The following MEGF11 variants were observed in gnomAD, a reference collection of about 807,000 sequenced individuals.
MEGF11 encodes multiple epidermal growth factor-like domains protein 11.
MEGF11 carries 126 observed loss-of-function variants against 146.6 expected under a neutral mutation model. That is an observed-to-expected ratio of 0.86 (90% CI 0.74 to 1.00). The LOEUF (loss-of-function observed/expected upper bound fraction) is 1.00, where lower values mean the gene tolerates loss of function less well. MEGF11 is among the 50% of genes least tolerant of loss of function. The pLI, the probability that MEGF11 is intolerant of heterozygous loss-of-function variation, is 0.00. For synonymous variants in MEGF11, 532 were observed against 583.4 expected, an observed-to-expected ratio of 0.91 and a Z score of 1.27; for missense variants, 1,509 against 1,521.2, an observed-to-expected ratio of 0.99 and a Z score of 0.13.
chr15:65,955,721 G>T (rs2080562026), intron 10 of MEGF11, among the ~76,000 whole-genome samples: 1 of 103,476 alleles, frequency 9.7e-6, no homozygotes, highest in Admixed American at 1.2e-4. Context: ...TCCAGTCTGG[G>T]CAACAAAGTG....
intron 4 of MEGF11, among the ~76,000 whole-genome samples, chr15:66,106,888 TCCTCTTCTCATTGGTA>T (rs1381967011): frequency 6.6e-6 from 1 of 152,144 alleles, no homozygotes; most frequent in Non-Finnish European, 1.5e-5. Context: ...ATTAAAATAT[TCCTCTTCTCATTGGTA>T]AATGGTTGCT....
chr15:66,044,114 C>G (rs1297978146), intron 5 of MEGF11, among the ~76,000 whole-genome samples: 1 of 152,188 alleles, frequency 6.6e-6, no homozygotes, highest in African/African-American at 2.4e-5. Context: ...GAGAGGAAAC[C>G]TCGACCCTTG....
intron 5 of MEGF11, among the ~76,000 whole-genome samples, chr15:66,061,829 G>T (rs2084920104): frequency 6.6e-6 from 1 of 152,130 alleles, no homozygotes. Context: ...TAGAAACAGG[G>T]TCTCCCTATG....
rs1321133644 is a variant in MEGF11 at position 65,915,591 on chromosome 15, G to A, written c.2352C>T (p.Ala784=). Residue 784 remains alanine (A), a synonymous_variant, in exon 19 of 26, where the codon GCC becomes GCT. Transcript: ENST00000395614. Reference sequence around the variant, plus strand: ...GACACCCATAGCCAAAGGTTCCTGGGGCACATCCTGTGTGGCACAAAGAGT... The same window carrying A: ...GACACCCATAGCCAAAGGTTCCTGGAGCACATCCTGTGTGGCACAAAGAGT... ...FTGQHCEQRC[A]PGTFGYGCQQ... 10 of 1,613,700 alleles carry A rather than the reference G, an allele frequency of 6.2e-6. No individual in the cohort carries two copies. The highest frequency in any genetic ancestry group is 2.2e-5 in the East Asian group (1 of 44,888).
chr15:66,008,405 GCGCGCGCA>G (rs60258784), intron 5 of MEGF11, among the ~76,000 whole-genome samples: 3,630 of 17,624 alleles, frequency 0.21, 65 homozygotes, highest in Admixed American at 0.27. Context: ...ATGCACACGC[GCGCGCGCA>G]CACACACACA....
chr15:66,043,387 T>A (rs781430170), intron 5 of MEGF11, among the ~76,000 whole-genome samples: 2 of 152,228 alleles, frequency 1.3e-5, no homozygotes, highest in Non-Finnish European at 2.9e-5. Context: ...CCTGGGGGAC[T>A]GAACTGGCCC....
chr15:66,073,885 T>C (rs1418545409), intron 5 of MEGF11, among the ~76,000 whole-genome samples: 2 of 152,236 alleles, frequency 1.3e-5, no homozygotes, highest in African/African-American at 4.8e-5. Flanking sequence ...GCCAACATGT[T>C]TTCCCCCACA....
At chr15:66,108,134 G>C (rs563556706) in intron 4 of MEGF11, among the ~76,000 whole-genome samples, 2 of 152,370 alleles carry the variant, frequency 1.3e-5, no homozygotes, top group South Asian at 2.1e-4. Context: ...CAGGCAGCTG[G>C]GTGGGATGCA....
chr15:65,907,040 A>T (rs775710569), intron 23 of MEGF11, among the ~76,000 whole-genome samples: 4 of 152,088 alleles, frequency 2.6e-5, no homozygotes, highest in Non-Finnish European at 5.9e-5. Context: ...AGTCAGAGCA[A>T]TTTTTTCTTC....
chr15:66,050,510 G>C (rs1391014415), intron 5 of MEGF11, among the ~76,000 whole-genome samples: 1 of 152,196 alleles, frequency 6.6e-6, no homozygotes, highest in South Asian at 2.1e-4. Flanking sequence ...CAGGAGGGAG[G>C]TCAGGGAGGC....
At chr15:66,117,885 T>C (rs1055655940) in intron 4 of MEGF11, among the ~76,000 whole-genome samples, 6 of 152,248 alleles carry the variant, frequency 3.9e-5, no homozygotes, top group Middle Eastern at 3.4e-3. Context: ...ACCGAACCCA[T>C]TGGAGGGTAC....
rs374804086 is a variant in MEGF11 at position 65,898,316 on chromosome 15, T to C, written c.3263-222A>G. ...CATCAACACCAAAGGATTTAAAATA[T>C]CCTAGAGGTAGGAGTCTTACCAGTG... On this transcript the variant is annotated intron_variant, in intron 25 of 25. Transcript: ENST00000395614. 3.0e-5 allele frequency: 30 copies of C among 985,376 alleles called. No homozygotes were observed. The East Asian group carries it at 1.2e-3, about 41-fold the overall frequency. The allele number at this position is 985,376 out of a possible 1,614,324, so 61.0% of individuals were successfully genotyped here. A position where few individuals can be genotyped will look rare whatever the true frequency, so the allele number is the denominator to read the frequency against.
At chr15:66,112,192 C>A (rs146929132) in intron 4 of MEGF11, among the ~76,000 whole-genome samples, 2 of 151,594 alleles carry the variant, frequency 1.3e-5, no homozygotes, top group Admixed American at 1.3e-4. Flanking sequence ...TAGAACTAAT[C>A]GCTCGAGATA....
chr15:66,099,796 T>A (rs2086710008), intron 4 of MEGF11, among the ~76,000 whole-genome samples: 2 of 152,172 alleles, frequency 1.3e-5, no homozygotes, highest in African/African-American at 4.8e-5. Flanking sequence ...CCCCTGAGCA[T>A]GCTCAGGCTC....
At chr15:66,096,407 C>T (rs1391543804) in intron 4 of MEGF11, among the ~76,000 whole-genome samples, 4 of 152,226 alleles carry the variant, frequency 2.6e-5, no homozygotes, top group South Asian at 2.1e-4. Context: ...GAGGCCTGAG[C>T]GTTCATGGCC....
At chr15:66,073,206 C>T (rs998300673) in intron 5 of MEGF11, among the ~76,000 whole-genome samples, 6 of 152,170 alleles carry the variant, frequency 3.9e-5, no homozygotes, top group South Asian at 2.1e-4. Flanking sequence ...GTGGCGAGGC[C>T]TCTGGTGTGA....
chr15:66,195,810 T>C (rs1379706535), intron 1 of MEGF11, among the ~76,000 whole-genome samples: 4 of 152,072 alleles, frequency 2.6e-5, no homozygotes, highest in African/African-American at 9.7e-5. Context: ...GCAAGAGGTA[T>C]GTGGAATGAG....
At chr15:66,104,273 C>G (rs1212882779) in intron 4 of MEGF11, among the ~76,000 whole-genome samples, 1 of 152,328 alleles carries the variant, frequency 6.6e-6, no homozygotes, top group East Asian at 1.9e-4. Flanking sequence ...CACCTTTCCC[C>G]TCTGCCCACC....
intron 1 of MEGF11, among the ~76,000 whole-genome samples, chr15:66,187,320 C>T (rs1289392523): frequency 6.6e-6 from 1 of 152,210 alleles, no homozygotes; most frequent in African/African-American, 2.4e-5. Context: ...TGTGAAAGGA[C>T]AGAAAGAGCA....
Sources: allele counts gnomAD v4.1 joint callset (sites outside exome capture counted in the v4.1 genomes callset), GRCh38; gene constraint gnomAD v4.1.1; transcripts MANE v1.5; gene names NCBI Gene and HGNC (gene_info 2026-07-23, HGNC 2026-07-21).